EPSTI1: variants seen among roughly 807,000 people sequenced by gnomAD.
EPSTI1 encodes the protein epithelial-stromal interaction protein 1.
In EPSTI1, 66 loss-of-function variants were observed where a neutral mutation model predicts 49.9. The ratio of observed to expected loss-of-function variants is 1.32; its 90% CI spans 1.08 to 1.62. The LOEUF (loss-of-function observed/expected upper bound fraction) is 1.62, where lower values mean the gene tolerates loss of function less well. Ranked by LOEUF, EPSTI1 falls within the 40% of genes most tolerant of loss-of-function variation. The pLI, the probability that EPSTI1 is intolerant of heterozygous loss-of-function variation, is 0.00. For synonymous variants in EPSTI1, 137 were observed against 130.7 expected (o/e 1.05, Z -0.33); for missense variants, 394 against 365.5 (o/e 1.08, Z -0.64).
At chr13:42,893,344 TA>T (rs2037094347) in intron 10 of EPSTI1, among the ~76,000 whole-genome samples, 1 of 152,144 alleles carries the variant, frequency 6.6e-6, no homozygotes. Context: ...GAGAAGAAGA[TA>T]AATCATAAAG....
At chr13:42,926,202 A>G in intron 7 of EPSTI1, 134 bp downstream of exon 7, 1 of 674,722 alleles carries the variant, frequency 1.5e-6, no homozygotes, top group Non-Finnish European at 2.8e-6. Context: ...GTTGAGGTCA[A>G]AGTTTCGGAT....
At position 42,922,465 on chromosome 13, in the gene EPSTI1, G is replaced by A. The variant is rs2038035455; in HGVS notation, c.657+3871C>T. Among the ~76,000 whole-genome samples, 1 of 152,174 alleles carries A rather than the reference G, an allele frequency of 6.6e-6. No individual in the cohort carries two copies. The highest frequency in any genetic ancestry group is 2.4e-5 in the African/African-American group (1 of 41,422). The stretch of plus-strand genomic sequence containing the variant: ...AGCTAAACTGGAGCCATGCAGCCGT[G>A]TGCCAAGGGTTTGCGGGGACAGGGG... On this transcript the variant is annotated intron_variant, in intron 7 of 10. Transcript: ENST00000313624. This position sits in a 1 kb window ranked among gnomAD's most constrained non-coding sequence, Gnocchi z 4.8.
chr13:42,950,973 A>G (rs2039077569), intron 6 of EPSTI1, among the ~76,000 whole-genome samples: 1 of 152,134 alleles, frequency 6.6e-6, no homozygotes, highest in Non-Finnish European at 1.5e-5. Flanking sequence ...CCTGGCCAAC[A>G]TGGTGAAACC....
At chr13:42,940,036 T>G (rs934637649) in intron 6 of EPSTI1, among the ~76,000 whole-genome samples, 6 of 152,246 alleles carry the variant, frequency 3.9e-5, no homozygotes, top group African/African-American at 1.4e-4. Flanking sequence ...TAGTCATTTC[T>G]TTTTGAAAAA....
chr13:42,900,792 G>C (rs928591443), intron 8 of EPSTI1, among the ~76,000 whole-genome samples: 1 of 152,020 alleles, frequency 6.6e-6, no homozygotes, highest in African/African-American at 2.4e-5. Context: ...TAAATTCAGA[G>C]CAACTTACAA....
intron 1 of EPSTI1, among the ~76,000 whole-genome samples, chr13:42,972,551 C>T (rs943541277): frequency 1.3e-5 from 2 of 152,222 alleles, no homozygotes; most frequent in African/African-American, 4.8e-5. Flanking sequence ...CAGTCTAAGA[C>T]TTTTGACTTA....
chr13:42,951,531 C>T (rs1295357194), intron 6 of EPSTI1, among the ~76,000 whole-genome samples: 2 of 152,174 alleles, frequency 1.3e-5, no homozygotes, highest in African/African-American at 4.8e-5. Context: ...TTGAATTCAG[C>T]TCCACTGATA....
chr13:42,983,213 G>C (rs999840873), intron 1 of EPSTI1, among the ~76,000 whole-genome samples: 3 of 152,148 alleles, frequency 2.0e-5, no homozygotes, highest in Admixed American at 1.3e-4. Context: ...TCACATTACT[G>C]CTTCGATATT....
intron 5 of EPSTI1, among the ~76,000 whole-genome samples, chr13:42,962,249 T>C (rs1021544276): frequency 6.6e-6 from 1 of 152,176 alleles, no homozygotes; most frequent in Non-Finnish European, 1.5e-5. Flanking sequence ...GGGGAGCTTG[T>C]TAAAATGCAG....
At chr13:42,920,265 G>T (rs2037954966) in intron 7 of EPSTI1, among the ~76,000 whole-genome samples, 1 of 152,162 alleles carries the variant, frequency 6.6e-6, no homozygotes, top group Non-Finnish European at 1.5e-5. Context: ...AGATGGTGGA[G>T]TAAAGATGTT....
At chr13:42,947,212 A>G (rs537341582) in intron 6 of EPSTI1, among the ~76,000 whole-genome samples, 8 of 152,300 alleles carry the variant, frequency 5.3e-5, no homozygotes, top group Middle Eastern at 3.4e-3. Context: ...ATTTCAACAA[A>G]AAGATATTCA....
chr13:42,930,243 G>C (rs2038317940), intron 6 of EPSTI1, among the ~76,000 whole-genome samples: 1 of 152,162 alleles, frequency 6.6e-6, no homozygotes, highest in Admixed American at 6.5e-5. Flanking sequence ...TTTTGCAATA[G>C]CTTCACAAAC....
At chr13:42,952,702 T>C (rs2039137284) in intron 6 of EPSTI1, among the ~76,000 whole-genome samples, 1 of 152,296 alleles carries the variant, frequency 6.6e-6, no homozygotes. Context: ...GAGGATGACA[T>C]CACTTACCAA....
intron 9 of EPSTI1, 46 bp from the exon 10 acceptor site, chr13:42,895,154 G>A: frequency 2.8e-6 from 4 of 1,446,858 alleles, no homozygotes; most frequent in Non-Finnish European, 3.8e-6. Context: ...CTTGCTGCAG[G>A]GCTGAGAGAT....
rs548108994 is a variant in EPSTI1 at position 42,922,497 on chromosome 13, G to GC, written c.657+3838dup. ...GGGTTTGCGGGGACAGGGGACAGATGCCCCCCGGAAGCTTCAAAAGGAACC... is the reference window on the plus strand; with the variant it reads ...GGGTTTGCGGGGACAGGGGACAGATGCCCCCCCGGAAGCTTCAAAAGGAACC... On this transcript the variant is annotated intron_variant, in intron 7 of 10. Transcript: ENST00000313624. The surrounding 1 kb of genome is among the most constrained non-coding windows in gnomAD (Gnocchi z 4.8). 6.6e-6 allele frequency among the ~76,000 whole-genome samples: 1 copy of GC among 152,088 alleles called. No homozygotes were observed. Among genetic ancestry groups the GC allele is most frequent in the African/African-American group, 2.4e-5 (1 of 41,414 alleles).
intron 8 of EPSTI1, among the ~76,000 whole-genome samples, chr13:42,907,169 C>T (rs1201515852): frequency 6.6e-6 from 1 of 152,170 alleles, no homozygotes; most frequent in African/African-American, 2.4e-5. Flanking sequence ...CCAGCTACAA[C>T]AATCATGGAA....
chr13:42,919,657 G>C (rs1004326302), intron 7 of EPSTI1, among the ~76,000 whole-genome samples: 1 of 152,212 alleles, frequency 6.6e-6, no homozygotes, highest in East Asian at 1.9e-4. Flanking sequence ...AGTACAGCAT[G>C]ATAGGTGATA....
At chr13:42,941,236 T>A (rs1326308244) in intron 6 of EPSTI1, among the ~76,000 whole-genome samples, 1 of 152,224 alleles carries the variant, frequency 6.6e-6, no homozygotes, top group African/African-American at 2.4e-5. Context: ...AAAGAAATAC[T>A]TTCATTCATA....
intron 6 of EPSTI1, among the ~76,000 whole-genome samples, chr13:42,952,386 G>A (rs1035579951): frequency 7.2e-5 from 11 of 152,172 alleles, no homozygotes; most frequent in Admixed American, 6.5e-5. Context: ...CCCACCAGAA[G>A]GAACCAACTC....
Sources: allele counts gnomAD v4.1 joint callset (sites outside exome capture counted in the v4.1 genomes callset), GRCh38; gene constraint gnomAD v4.1.1; non-coding constraint Gnocchi (gnomAD v3.1); transcripts MANE v1.5; gene names NCBI Gene and HGNC (gene_info 2026-07-23, HGNC 2026-07-21).